CEP78: variants seen among roughly 807,000 people sequenced by gnomAD.
CEP78 encodes centrosomal protein 78, also known as centrosomal protein of 78 kDa.
Under a neutral mutation model 81.2 loss-of-function variants are expected in CEP78, and 76 were observed. The ratio of observed to expected loss-of-function variants is 0.94; its 90% CI spans 0.78 to 1.13. CEP78 has a LOEUF of 1.13. CEP78 is among the 50% of genes most tolerant of loss of function. The pLI, the probability that CEP78 is intolerant of heterozygous loss-of-function variation, is 0.00. For missense variants in CEP78, 918 were observed against 846.8 expected, an observed-to-expected ratio of 1.08 and a Z score of -1.04; for synonymous variants, 293 against 301.4, an observed-to-expected ratio of 0.97 and a Z score of 0.29.
At chr9:78,246,268 C>T (rs562700472) in intron 5 of CEP78, among the ~76,000 whole-genome samples, 1 of 151,730 alleles carries the variant, frequency 6.6e-6, no homozygotes, top group African/African-American at 2.4e-5. Flanking sequence ...CAGGAGTCTT[C>T]CAGGCATGAA....
At chr9:78,239,929 C>T in intron 1 of CEP78, 94 bp from the exon 2 acceptor site, 2 of 1,064,618 alleles carry the variant, frequency 1.9e-6, no homozygotes, top group South Asian at 3.3e-5. Context: ...CTTTAAAGGA[C>T]ATGGCTCATT....
At chr9:78,250,252 G>A in intron 8 of CEP78, 1 of 398,072 alleles carries the variant, frequency 2.5e-6, no homozygotes, top group Non-Finnish European at 4.4e-6. Flanking sequence ...TCAGTAATTT[G>A]GAGACACAGA....
intron 14 of CEP78, 140 bp from the exon 15 acceptor site, chr9:78,265,719 G>A (rs565112569): frequency 1.3e-6 from 1 of 750,444 alleles, no homozygotes; most frequent in Non-Finnish European, 2.2e-6. Context: ...ATATTGTATT[G>A]TTGTAAATAA....
At chr9:78,267,042 T>C (rs755015155) in intron 16 of CEP78, 6 of 1,194,522 alleles carry the variant, frequency 5.0e-6, no homozygotes, top group Non-Finnish European at 6.6e-6. Context: ...TACCTTTAAA[T>C]TTTAATAAAT....
chr9:78,240,323 T>C lies in CEP78; in HGVS notation c.458T>C (p.Leu153Pro). ...AATAAATCGGCTTCTTTGGTGCACCTGTCTCTTGCAAATTGTCCAATTGGA... is the reference window on the plus strand; with the variant it reads ...AATAAATCGGCTTCTTTGGTGCACCCGTCTCTTGCAAATTGTCCAATTGGA... Reference protein sequence around the residue: ...GLNKSASLVHLSLANCPIGDG... With the variant: ...GLNKSASLVHPSLANCPIGDG... Residue 153 changes from leucine (L) to proline (P), a missense_variant, in exon 3 of 17, where the codon CTG (leucine) becomes CCG (proline). By Grantham distance (98) the Leu-to-Pro change is moderately conservative. Coordinates refer to ENST00000643273, the MANE Select transcript of CEP78 (RefSeq NM_001330691.3). 6.3e-7 allele frequency: 1 copy of C among 1,596,062 alleles called. No individual in the cohort carries two copies. Among genetic ancestry groups the C allele is most frequent in the Non-Finnish European group, 8.5e-7 (1 of 1,169,614 alleles).
At chr9:78,239,989 T>A (rs754793883) in intron 1 of CEP78, 34 bp from the exon 2 acceptor site, 15 of 1,506,254 alleles carry the variant, frequency 1.0e-5, no homozygotes, top group Non-Finnish European at 1.3e-5. Flanking sequence ...ATTGTATGAT[T>A]GAAGTCACTA....
rs558916011 is a variant in CEP78, at chr9:78,250,094, A to G, written c.1069+1221A>G. ...TTCTATAATTTTAGTAGCTAGTGGT[A>G]TATAATTGGACATCATTGAATGAGA... On this transcript the variant is annotated intron_variant, in intron 8 of 16. Coordinates refer to ENST00000643273, the MANE Select transcript of CEP78 (RefSeq NM_001330691.3). 15 of 390,102 alleles carry G rather than the reference A, an allele frequency of 3.8e-5. No homozygotes were observed. In the East Asian group the frequency reaches 5.5e-4, roughly 14 times the overall value. The allele number at this position is 390,102 out of a possible 1,614,324, so 24.2% of individuals were successfully genotyped here.
At chr9:78,240,941 C>T (rs781033101) in intron 3 of CEP78, among the ~76,000 whole-genome samples, 4 of 150,082 alleles carry the variant, frequency 2.7e-5, no homozygotes, top group East Asian at 1.9e-4. Flanking sequence ...CTAGCCTGGG[C>T]GATAGAGCAA....
chr9:78,251,036 C>T (rs1261926758), intron 8 of CEP78, among the ~76,000 whole-genome samples: 1 of 151,878 alleles, frequency 6.6e-6, no homozygotes, highest in East Asian at 1.9e-4. Flanking sequence ...TAAATATAAC[C>T]GTTTTAATAA....
intron 16 of CEP78, chr9:78,267,015 T>C: frequency 7.6e-7 from 1 of 1,309,748 alleles, no homozygotes; most frequent in Admixed American, 2.8e-5. Flanking sequence ...TGACTAAATC[T>C]TTTGAAACTA....
intron 5 of CEP78, among the ~76,000 whole-genome samples, chr9:78,245,278 G>A (rs1450735377): frequency 6.6e-6 from 1 of 152,082 alleles, no homozygotes; most frequent in African/African-American, 2.4e-5. Flanking sequence ...ATTTCTCACA[G>A]TTCTGGAGTC....
At chr9:78,252,066 C>A (rs1213797266) in intron 9 of CEP78, 23 bp downstream of exon 9, 3 of 1,540,716 alleles carry the variant, frequency 1.9e-6, no homozygotes, top group South Asian at 1.2e-5. Context: ...TATTTCCTAT[C>A]TTTTAGGATA....
At chr9:78,251,629 T>C (rs1826763657) in intron 8 of CEP78, among the ~76,000 whole-genome samples, 1 of 152,022 alleles carries the variant, frequency 6.6e-6, no homozygotes, top group African/African-American at 2.4e-5. Context: ...ATGTCTCATA[T>C]ATTCAACTTA....
rs200034752 is a variant in CEP78, at chr9:78,266,619, G to C, written c.2023G>C (p.Ala675Pro). 94 of 1,613,230 alleles carry C rather than the reference G, an allele frequency of 5.8e-5. No individual in the cohort carries two copies. In the East Asian group the frequency reaches 1.8e-3, roughly 31 times the overall value. The stretch of plus-strand genomic sequence containing the variant: ...TAGAATGTGTTCTCCTTCACCAGAT[G>C]CGACTTCTGGAACTGGAAGTCAAAG... The part of the protein sequence containing the change: ...IARMCSPSPD[A>P]TSGTGSQRKE... The change falls in exon 16 of 17, where the codon GCG (alanine) becomes CCG (proline). Residue 675 changes from alanine to proline, a missense_variant. By Grantham distance (27) the Ala-to-Pro change is conservative. Coordinates refer to ENST00000643273, the MANE Select transcript of CEP78 (RefSeq NM_001330691.3).
At chr9:78,245,705 G>A (rs762734555) in intron 5 of CEP78, among the ~76,000 whole-genome samples, 1 of 152,130 alleles carries the variant, frequency 6.6e-6, no homozygotes, top group South Asian at 2.1e-4. Flanking sequence ...AGTATTACTA[G>A]TATTCATGAG....
rs1825916283 is a variant in CEP78, at chr9:78,236,170, C to T, written c.-181C>T. 1.7e-6 allele frequency: 1 copy of T among 589,082 alleles called. No homozygotes were observed. Among genetic ancestry groups the T allele is most frequent in the Non-Finnish European group, 2.9e-6 (1 of 345,428 alleles). 36.5% of individuals were successfully genotyped at this position (589,082 alleles called of 1,614,324 possible). A position where few individuals can be genotyped will look rare whatever the true frequency, so the allele number is the denominator to read the frequency against. Reference sequence around the variant, plus strand: ...GCGCGGGAGTGGGGCGTTGAGGGGCCGGCCTAGCTTGGGGCTCTGGCCTTG... The same window carrying T: ...GCGCGGGAGTGGGGCGTTGAGGGGCTGGCCTAGCTTGGGGCTCTGGCCTTG... On this transcript the variant is annotated 5_prime_UTR_variant, in exon 1 of 17. Transcript: ENST00000643273.
At chr9:78,248,263 T>C (rs762045247) in intron 6 of CEP78, 28 bp from the exon 7 acceptor site, 1 of 1,241,670 alleles carries the variant, frequency 8.1e-7, no homozygotes, top group Admixed American at 1.8e-5. Context: ...AAATAATTAC[T>C]ATAATTTCAA....
At chr9:78,269,830 G>A (rs1025927420) in intron 16 of CEP78, among the ~76,000 whole-genome samples, 2 of 152,188 alleles carry the variant, frequency 1.3e-5, no homozygotes, top group Admixed American at 1.3e-4. Flanking sequence ...GGACTTAAAT[G>A]TTTGTAAGGT....
chr9:78,256,378 T>TA (rs1827026111), intron 11 of CEP78, among the ~76,000 whole-genome samples: 1 of 152,156 alleles, frequency 6.6e-6, no homozygotes, highest in Non-Finnish European at 1.5e-5. Context: ...TGAAAAACAG[T>TA]AAAGTAACTG....
Sources: allele counts gnomAD v4.1 joint callset (sites outside exome capture counted in the v4.1 genomes callset), GRCh38; gene constraint gnomAD v4.1.1; transcripts MANE v1.5; gene names NCBI Gene and HGNC (gene_info 2026-07-23, HGNC 2026-07-21).